RBFOX1: variants seen among roughly 807,000 people sequenced by gnomAD.
RBFOX1 encodes RNA binding fox-1 homolog 1.
In RBFOX1, 8 loss-of-function variants were observed where a neutral mutation model predicts 57.7. The ratio of observed to expected loss-of-function variants is 0.14; its 90% CI spans 0.08 to 0.25. The LOEUF (loss-of-function observed/expected upper bound fraction) is 0.25, where lower values mean the gene tolerates loss of function less well. Among genes scored for constraint, RBFOX1 ranks in the 10% least tolerant of loss-of-function variants. The pLI is 1.00. For synonymous variants in RBFOX1, 326 were observed against 222.4 expected (o/e 1.47, Z -4.15); for missense variants, 611 against 548.5 (o/e 1.11, Z -1.14).
chr16:6,209,374 G>A (rs1217511094), intron 1 of RBFOX1, among the ~76,000 whole-genome samples: 1 of 143,292 alleles, frequency 7.0e-6, no homozygotes, highest in Non-Finnish European at 1.5e-5. Context: ...CCCACCTTCA[G>A]AGAAACTTAA....
intron 4 of RBFOX1, among the ~76,000 whole-genome samples, chr16:7,236,390 C>G (rs1013637176): frequency 1.3e-5 from 2 of 152,008 alleles, no homozygotes; most frequent in African/African-American, 4.8e-5. Context: ...AGGGGCGTAC[C>G]CTCTTTTAAG....
chr16:6,678,896 C>A (rs2058185616), intron 3 of RBFOX1, among the ~76,000 whole-genome samples: 1 of 152,088 alleles, frequency 6.6e-6, no homozygotes, highest in Non-Finnish European at 1.5e-5. Flanking sequence ...GCATGAATTC[C>A]ACCCTTCTTA....
rs529142381 is a variant in RBFOX1 at position 6,887,815 on chromosome 16, A to G, written c.-15-164242A>G. On this transcript the variant is annotated intron_variant, in intron 3 of 15. Transcript: ENST00000550418. ...GTAGCTGGGTTTACAGGCACTCGTC[A>G]CCACACCTGGCTAATTTTTATATTT... Among the ~76,000 whole-genome samples the G allele has an allele frequency of 1.4e-4, 22 of 152,028 alleles. 1 individual carries two copies. The highest frequency in any genetic ancestry group is 9.2e-4 in the Admixed American group (14 of 15,274).
chr16:7,617,821 G>C (rs538590709), intron 10 of RBFOX1, among the ~76,000 whole-genome samples: 5 of 152,124 alleles, frequency 3.3e-5, no homozygotes, highest in Admixed American at 6.5e-5. Context: ...ATACCTGCTA[G>C]AGCCAAAAGA....
At chr16:6,317,841 A>T (rs1233999973) in intron 2 of RBFOX1, among the ~76,000 whole-genome samples, 1 of 152,202 alleles carries the variant, frequency 6.6e-6, no homozygotes, top group Non-Finnish European at 1.5e-5. Context: ...TTAATTATAA[A>T]TATCAAAATT....
chr16:7,135,223 C>G (rs1232789849), intron 4 of RBFOX1, among the ~76,000 whole-genome samples: 2 of 152,022 alleles, frequency 1.3e-5, no homozygotes, highest in Non-Finnish European at 2.9e-5. Flanking sequence ...AAGTTTCAGC[C>G]CTGTCTAGGA....
At chr16:5,952,067 A>G (rs975588613) in intron 4 of RBFOX1, among the ~76,000 whole-genome samples, 2 of 150,830 alleles carry the variant, frequency 1.3e-5, no homozygotes, top group Non-Finnish European at 2.9e-5. Context: ...ACACATCTAT[A>G]TAAATATATG....
chr16:7,109,290 G>A (rs747328856), intron 4 of RBFOX1, among the ~76,000 whole-genome samples: 1 of 152,128 alleles, frequency 6.6e-6, no homozygotes, highest in Non-Finnish European at 1.5e-5. Flanking sequence ...TTGCTATTCT[G>A]TCCCCCTTCT....
chr16:5,597,253 C>G (rs186865593), intron 2 of RBFOX1, among the ~76,000 whole-genome samples: 1 of 137,576 alleles, frequency 7.3e-6, no homozygotes, highest in East Asian at 2.2e-4. Flanking sequence ...CTCCCGCTTT[C>G]TCTGCACCTC....
At chr16:5,984,976 A>ATATATATATTT (rs1359064334) in intron 4 of RBFOX1, among the ~76,000 whole-genome samples, 1 of 55,714 alleles carries the variant, frequency 1.8e-5, no homozygotes, top group African/African-American at 8.7e-5. Flanking sequence ...ATATATATAT[A>ATATATATATTT]TTTTTTTTTT....
rs2074872204 is a variant in RBFOX1, at chr16:6,751,213, A to G, written c.-16+96563A>G. Among the ~76,000 whole-genome samples, 5 of 152,064 alleles carry G rather than the reference A, an allele frequency of 3.3e-5. No homozygotes were observed. In the South Asian group the frequency reaches 1.0e-3, roughly 32 times the overall value. On this transcript the variant is annotated intron_variant, in intron 3 of 15. Transcript: ENST00000550418. ...AATGAAGAGTTTTAAGGACAAGGGT[A>G]TTGAGCTCTGATGTATATTATTAGG... is the stretch of plus-strand genomic sequence containing the variant.
chr16:7,646,507 G>T (rs2063768363), intron 11 of RBFOX1, among the ~76,000 whole-genome samples: 1 of 152,206 alleles, frequency 6.6e-6, no homozygotes, highest in Admixed American at 6.5e-5. Context: ...CAAGGCTGGG[G>T]AAATGTGTCA....
chr16:7,255,657 C>G (rs779655746), intron 4 of RBFOX1, among the ~76,000 whole-genome samples: 1 of 151,984 alleles, frequency 6.6e-6, no homozygotes, highest in Admixed American at 6.6e-5. Flanking sequence ...ATGCAAGTCA[C>G]ATATGCAAAG....
At chr16:7,403,219 G>C (rs537689886) in intron 4 of RBFOX1, among the ~76,000 whole-genome samples, 1 of 152,302 alleles carries the variant, frequency 6.6e-6, no homozygotes, top group South Asian at 2.1e-4. Flanking sequence ...TATCAGCTCA[G>C]AGTTCCGTTT....
At chr16:5,841,385 A>G (rs866839986) in intron 3 of RBFOX1, among the ~76,000 whole-genome samples, 6 of 152,154 alleles carry the variant, frequency 3.9e-5, no homozygotes, top group African/African-American at 1.4e-4. Flanking sequence ...TCATCCATCT[A>G]TCCATCAACC....
intron 4 of RBFOX1, among the ~76,000 whole-genome samples, chr16:5,969,384 TCA>T (rs2059917209): frequency 7.1e-6 from 1 of 140,660 alleles, no homozygotes; most frequent in Non-Finnish European, 1.5e-5. Flanking sequence ...TGAACTAGGC[TCA>T]CTGCAACCTC....
chr16:6,139,241 C>T (rs9930536), intron 1 of RBFOX1, among the ~76,000 whole-genome samples: 1 of 151,938 alleles, frequency 6.6e-6, no homozygotes, highest in East Asian at 1.9e-4. Flanking sequence ...AGTTTTCAGG[C>T]CAACTAAGCA....
intron 4 of RBFOX1, among the ~76,000 whole-genome samples, chr16:7,086,334 C>T (rs1466270983): frequency 6.6e-6 from 1 of 152,114 alleles, no homozygotes; most frequent in Admixed American, 6.5e-5. Context: ...AAAACTCAGA[C>T]CTGAGCAAGA....
intron 4 of RBFOX1, among the ~76,000 whole-genome samples, chr16:7,456,733 C>T (rs942708083): frequency 1.3e-5 from 2 of 152,134 alleles, no homozygotes; most frequent in African/African-American, 4.8e-5. Flanking sequence ...GAATCGCCAC[C>T]TATGGCTGTG....
Sources: allele counts gnomAD v4.1 joint callset (sites outside exome capture counted in the v4.1 genomes callset), GRCh38; gene constraint gnomAD v4.1.1; transcripts MANE v1.5; gene names NCBI Gene and HGNC (gene_info 2026-07-23, HGNC 2026-07-21).